The following KCP variants were observed in gnomAD, a reference collection of about 807,000 sequenced individuals.
KCP encodes the protein kielin cysteine rich BMP regulator.
KCP carries 194 observed loss-of-function variants against 212.7 expected under a neutral mutation model. That is an observed-to-expected ratio of 0.91 (90% CI 0.81 to 1.03). The LOEUF (loss-of-function observed/expected upper bound fraction) is 1.03, where lower values mean the gene tolerates loss of function less well. Among genes scored for constraint, KCP ranks in the 50% least tolerant of loss-of-function variants. The probability of loss-of-function intolerance (pLI) is 0.00; values close to 1 mark genes in which losing one functional copy is unlikely to be tolerated. For synonymous variants in KCP, 833 were observed against 865.3 expected (o/e 0.96, Z 0.65); for missense variants, 2,080 against 2,162.5 (o/e 0.96, Z 0.76).
In KCP at chr7:128,907,086, G is replaced by A. The variant is rs1431034580; in HGVS notation, c.486+15C>T. On this transcript the variant is annotated intron_variant, in intron 4 of 39. Coordinates refer to ENST00000610776, the MANE Select transcript of KCP (RefSeq NM_001366122.1). ...AGACAGGTGAGGGATATCCAGGTAGGTCCTGGGAGCTTACCAGACAGCGGC... is the reference window on the plus strand; with the variant it reads ...AGACAGGTGAGGGATATCCAGGTAGATCCTGGGAGCTTACCAGACAGCGGC... 6.5e-7 allele frequency: 1 copy of A among 1,549,898 alleles called. No homozygotes were observed. The highest frequency in any genetic ancestry group is 1.4e-5 in the African/African-American group (1 of 73,024).
At chr7:128,883,407 G>A (rs1158249490) in intron 29 of KCP, among the ~76,000 whole-genome samples, 4 of 151,954 alleles carry the variant, frequency 2.6e-5, no homozygotes, top group Non-Finnish European at 4.4e-5. Flanking sequence ...CAAAGTGCTG[G>A]GATTACAGGC....
Position 128,886,684 on chromosome 7 carries a change from C to A in KCP, c.2743G>T (p.Ala915Ser), listed in dbSNP as rs111612320. The A allele has an allele frequency of 2.7e-3, 4,254 of 1,551,656 alleles. 132 individuals carry two copies. In the African/African-American group the frequency reaches 0.052, roughly 19 times the overall value. ...CAGCGACACCACTCACAGCTGCCTGCTGGTCCCTCAAACTCCTCCCCATCC... is the reference window on the plus strand; with the variant it reads ...CAGCGACACCACTCACAGCTGCCTGATGGTCCCTCAAACTCCTCCCCATCC... ...HQDGEEFEGP[A>S]GSCEWCRCQA... Residue 915 changes from alanine to serine, a missense_variant, in exon 25 of 40, where the codon GCA (alanine) becomes TCA (serine). By Grantham distance (99) the Ala-to-Ser change is moderately conservative. Transcript: ENST00000610776.
chr7:128,894,393 G>A, intron 8 of KCP, 100 bp from the exon 9 acceptor site: 1 of 945,656 alleles, frequency 1.1e-6, no homozygotes, highest in East Asian at 2.7e-5. Flanking sequence ...ATGTGTTTAT[G>A]GGTTGAATTG....
At position 128,884,861 on chromosome 7, in the gene KCP, A is replaced by C. The variant is rs535087360; in HGVS notation, c.3043T>G (p.Cys1015Gly). The C allele has an allele frequency of 8.0e-4, 1,240 of 1,550,734 alleles. 3 individuals carry two copies. The highest frequency in any genetic ancestry group is 1.3e-3 in the Admixed American group (68 of 50,988). Residue 1015 changes from cysteine (C) to glycine (G), a missense_variant and splice_region_variant, in exon 28 of 40, where the codon TGT becomes GGT. Physicochemically the swap from Cys to Gly is radical, Grantham distance 159 (BLOSUM62 -3). Transcript: ENST00000610776. Reference sequence around the variant, plus strand: ...TCGTACTTCCGGCCCTCATGCTCACAGTCTTTGGGGTGGAGTGAGAGCAGA... The same window carrying C: ...TCGTACTTCCGGCCCTCATGCTCACCGTCTTTGGGGTGGAGTGAGAGCAGA... ...PHDCCPQCSD[C>G]EHEGRKYEPG...
intron 28 of KCP, 48 bp downstream of exon 28, chr7:128,884,733 C>T: frequency 6.6e-7 from 1 of 1,520,018 alleles, no homozygotes; most frequent in Non-Finnish European, 8.9e-7. Flanking sequence ...ATGCTGCCCA[C>T]TCCCCCCCGA....
chr7:128,903,537 C>A (rs968785315), intron 7 of KCP, among the ~76,000 whole-genome samples, 190 bp downstream of exon 7: 2 of 152,194 alleles, frequency 1.3e-5, no homozygotes, highest in African/African-American at 4.8e-5. Context: ...ATTATCTGCA[C>A]CTTACACATG....
chr7:128,885,915 AGTT>A (rs1793619414), intron 26 of KCP, among the ~76,000 whole-genome samples: 3 of 151,884 alleles, frequency 2.0e-5, no homozygotes, highest in Non-Finnish European at 4.4e-5. Flanking sequence ...TTATCTGGTA[AGTT>A]GTTGTGCTGA....
At position 128,903,909 on chromosome 7, in the gene KCP, G is replaced by A. The variant is rs371485442; in HGVS notation, c.655-89C>T. 2.0e-5 allele frequency: 28 copies of A among 1,382,682 alleles called. No individual in the cohort carries two copies. In the East Asian group the frequency reaches 3.2e-4, roughly 16 times the overall value. 85.7% of individuals were successfully genotyped at this position (1,382,682 alleles called of 1,614,324 possible). A position where few individuals can be genotyped will look rare whatever the true frequency, so the allele number is the denominator to read the frequency against. ...TGTTGGGCACCCTCGGAGGAGGGGG[G>A]CACAGGGCAGGGATGGAGGGAGAAC... On this transcript the variant is annotated intron_variant, in intron 6 of 39. Coordinates refer to ENST00000610776, the MANE Select transcript of KCP (RefSeq NM_001366122.1).
At chr7:128,882,071 A>G in intron 29 of KCP, 55 bp from the exon 30 acceptor site, 1 of 1,363,664 alleles carries the variant, frequency 7.3e-7, no homozygotes, top group Non-Finnish European at 1.0e-6. Flanking sequence ...AGGGCTGGAA[A>G]TCCCAGCTGT....
At chr7:128,892,422 T>C in intron 16 of KCP, 92 bp downstream of exon 16, 1 of 912,030 alleles carries the variant, frequency 1.1e-6, no homozygotes, top group East Asian at 2.8e-5. Context: ...CAGAAGGCCA[T>C]TGCTTTCTAA....
chr7:128,886,950 C>T lies in KCP; in HGVS notation c.2615G>A (p.Cys872Tyr), dbSNP rs376872875. 3 of 1,525,554 alleles carry T rather than the reference C, an allele frequency of 2.0e-6. No homozygotes were observed. The highest frequency in any genetic ancestry group is 4.1e-5 in the Admixed American group (2 of 48,414). 94.5% of individuals were successfully genotyped at this position (1,525,554 alleles called of 1,614,324 possible). Reference protein sequence around the residue: ...LCTCQEGSMRCQKKPCPPALC... With the variant: ...LCTCQEGSMRYQKKPCPPALC... ...AGCTGGGGGACATGGCTTCTTCTGG[C>T]AGCGCATGGAACCTTCCTGGGGGAG... is the stretch of plus-strand genomic sequence containing the variant. The change falls in exon 24 of 40, where the codon TGC becomes TAC. Residue 872 changes from cysteine to tyrosine, a missense_variant. Transcript: ENST00000610776.
At chr7:128,897,260 TGTCA>T (rs1410374281) in intron 8 of KCP, among the ~76,000 whole-genome samples, 2 of 152,188 alleles carry the variant, frequency 1.3e-5, no homozygotes, top group African/African-American at 4.8e-5. Flanking sequence ...CCAGCAAACT[TGTCA>T]GTTACAAACT....
At chr7:128,886,185 G>T (rs991807113) in intron 26 of KCP, among the ~76,000 whole-genome samples, 3 of 152,146 alleles carry the variant, frequency 2.0e-5, no homozygotes, top group African/African-American at 7.2e-5. Flanking sequence ...CTCCCACCTT[G>T]GCCTCCCAAA....
At chr7:128,908,306 G>GAAAA in intron 2 of KCP, 120 bp downstream of exon 2, 1 of 718,164 alleles carries the variant, frequency 1.4e-6, no homozygotes, top group Non-Finnish European at 2.0e-6. Flanking sequence ...AAGAAAGAAA[G>GAAAA]GGAATTGTTC....
intron 36 of KCP, 28 bp from the exon 37 acceptor site, chr7:128,879,651 G>C: frequency 3.9e-6 from 6 of 1,549,126 alleles, no homozygotes; most frequent in Non-Finnish European, 5.2e-6. Context: ...TGGGAGGAGG[G>C]GTGATGTCGA....
Position 128,881,641 on chromosome 7 carries a change from A to C in KCP, c.3409T>G (p.Cys1137Gly). Residue 1137 changes from cysteine to glycine, a missense_variant, in exon 31 of 40, where the codon TGC becomes GGC. Transcript: ENST00000610776. ...SERHTPPGSC[C>G]PVCRECVVEA... is the part of the protein sequence containing the mutation. ...GGGCACTTACCCCGGCATACGGGGCAGCAGCTCCCAGGGGGAGTGTGGCGC... is the reference window on the plus strand; with the variant it reads ...GGGCACTTACCCCGGCATACGGGGCCGCAGCTCCCAGGGGGAGTGTGGCGC... 6.6e-7 allele frequency: 1 copy of C among 1,504,868 alleles called. No homozygotes were observed. Among genetic ancestry groups the C allele is most frequent in the South Asian group, 1.3e-5 (1 of 76,662 alleles). The allele number at this position is 1,504,868 out of a possible 1,614,324, so 93.2% of individuals were successfully genotyped here.
chr7:128,886,000 TTGA>T (rs542822002), intron 26 of KCP, among the ~76,000 whole-genome samples: 4 of 152,102 alleles, frequency 2.6e-5, no homozygotes, highest in East Asian at 1.9e-4. Flanking sequence ...GTCAGGTATC[TTGA>T]TGATGATGAT....
chr7:128,881,058 C>T lies in KCP; in HGVS notation c.3452G>A (p.Arg1151Lys), dbSNP rs1156320716. 5.5e-5 allele frequency: 22 copies of T among 398,834 alleles called. No homozygotes were observed. The East Asian group carries it at 7.8e-4, about 14-fold the overall frequency. 24.7% of individuals were successfully genotyped at this position (398,834 alleles called of 1,614,324 possible). ...RECVVEAEGR[R>K]VADGESWRDP... ...CCGCCAGCTCTCTCCATCTGCCACT[C>T]TCCGGCCCTCGGCCTCCACCACACA... is the stretch of plus-strand genomic sequence containing the variant. Residue 1151 changes from arginine (R) to lysine (K), a missense_variant, in exon 32 of 40, where the codon AGA (arginine) becomes AAA (lysine). Coordinates refer to ENST00000610776, the MANE Select transcript of KCP (RefSeq NM_001366122.1).
chr7:128,903,132 T>C, intron 7 of KCP: 1 of 517,770 alleles, frequency 1.9e-6, no homozygotes, highest in Non-Finnish European at 3.5e-6. Context: ...TCGTCACCTC[T>C]CACACCTTCC....
Sources: allele counts gnomAD v4.1 joint callset (sites outside exome capture counted in the v4.1 genomes callset), GRCh38; gene constraint gnomAD v4.1.1; transcripts MANE v1.5; gene names NCBI Gene and HGNC (gene_info 2026-07-23, HGNC 2026-07-21).